The following EMC2 variants were observed in gnomAD, a reference collection of about 807,000 sequenced individuals.
EMC2 encodes TPR repeat protein 35.
A neutral mutation model predicts 51.6 loss-of-function variants in EMC2; 37 were observed. That is an observed-to-expected ratio of 0.72 (90% CI 0.55 to 0.94). The LOEUF (loss-of-function observed/expected upper bound fraction) is 0.94, where lower values mean the gene tolerates loss of function less well. Ranked by LOEUF, EMC2 falls within the 40% of genes least tolerant of loss-of-function variation. The pLI is 0.00. For missense variants in EMC2, 359 were observed against 350.9 expected (o/e 1.02, Z -0.18); for synonymous variants, 131 against 112.4 (o/e 1.17, Z -1.04).
chr8:108,453,679 G>A (rs1819085760), intron 4 of EMC2, among the ~76,000 whole-genome samples: 1 of 151,944 alleles, frequency 6.6e-6, no homozygotes, highest in Admixed American at 6.6e-5. Flanking sequence ...TTGTAAGAGT[G>A]CTTTCAGACT....
chr8:108,456,338 A>G (rs895129947), intron 5 of EMC2, among the ~76,000 whole-genome samples: 1 of 145,942 alleles, frequency 6.9e-6, no homozygotes, highest in Admixed American at 6.8e-5. Context: ...GTGTCAAAAA[A>G]AAAAAAAAAG....
At chr8:108,455,041 C>T (rs986176040) in intron 4 of EMC2, among the ~76,000 whole-genome samples, 4 of 151,742 alleles carry the variant, frequency 2.6e-5, no homozygotes, top group South Asian at 2.1e-4. Context: ...ATTTTATATG[C>T]GTTGGTGTAG....
At position 108,488,763 on chromosome 8, in the gene EMC2, C is replaced by T. The variant is rs879573912; in HGVS notation, c.*2165C>T. ...TTAATTCTGTATAGTCTGATTAGTA[C>T]GAGGCAGAACTTTTTGCAGTGAAGG... On this transcript the variant is annotated 3_prime_UTR_variant, in exon 11 of 11. Coordinates refer to ENST00000220853, the MANE Select transcript of EMC2 (RefSeq NM_014673.5). 5.3e-5 allele frequency among the ~76,000 whole-genome samples: 8 copies of T among 152,106 alleles called. No homozygotes were observed. The South Asian group carries it at 8.3e-4, about 16-fold the overall frequency.
intron 5 of EMC2, among the ~76,000 whole-genome samples, chr8:108,462,177 C>CGT (rs150710204): frequency 1.2e-4 from 18 of 150,276 alleles, no homozygotes; most frequent in South Asian, 6.4e-4. Flanking sequence ...TAGGCCTGCG[C>CGT]GTGTGTGTGT....
At chr8:108,466,313 TAGTC>T (rs945168207) in intron 5 of EMC2, among the ~76,000 whole-genome samples, 8 of 152,172 alleles carry the variant, frequency 5.3e-5, no homozygotes, top group Non-Finnish European at 1.0e-4. Context: ...TATTTAAATT[TAGTC>T]AGTTAACGAG....
chr8:108,452,787 T>C (rs1296241554), intron 3 of EMC2, among the ~76,000 whole-genome samples: 4 of 152,130 alleles, frequency 2.6e-5, no homozygotes, highest in Admixed American at 6.5e-5. Flanking sequence ...AGGAATAATA[T>C]GATATTAGTA....
intron 9 of EMC2, among the ~76,000 whole-genome samples, chr8:108,477,548 GTCT>G (rs1233026858): frequency 6.6e-6 from 1 of 151,968 alleles, no homozygotes; most frequent in Non-Finnish European, 1.5e-5. Flanking sequence ...CTTGATGAGT[GTCT>G]TCTTGTTGCA....
chr8:108,484,230 A>G (rs570385543), intron 10 of EMC2, among the ~76,000 whole-genome samples: 76 of 152,238 alleles, frequency 5.0e-4, no homozygotes, highest in Admixed American at 3.1e-3. Flanking sequence ...TGATTCTGTT[A>G]CTATCCTTTT....
At chr8:108,444,599 CAT>C (rs767486008) in intron 1 of EMC2, among the ~76,000 whole-genome samples, 20 of 152,264 alleles carry the variant, frequency 1.3e-4, no homozygotes, top group Admixed American at 5.2e-4. Context: ...GACCTGAAAA[CAT>C]GTGGACCGAA....
chr8:108,443,833 A>G, intron 1 of EMC2, 135 bp downstream of exon 1: 1 of 726,454 alleles, frequency 1.4e-6, no homozygotes, highest in Admixed American at 2.4e-5. Flanking sequence ...GGCCAAGCTG[A>G]GGTGGAGGCT....
rs1049348326 is a variant in EMC2 at position 108,485,532 on chromosome 8, AAT to A, written c.808-971_808-970del. ...ATAATTAATATATATACATATATAT[AAT>A]ATATATATGTATATATATATACACA... On this transcript the variant is annotated intron_variant, in intron 10 of 10. Transcript: ENST00000220853. 5.1e-4 allele frequency among the ~76,000 whole-genome samples: 52 copies of A among 101,826 alleles called. No individual in the cohort carries two copies. In the East Asian group the frequency reaches 0.01, roughly 20 times the overall value. 66.8% of individuals were successfully genotyped at this position (101,826 alleles called of 152,430 possible). A position where few individuals can be genotyped will look rare whatever the true frequency, so the allele number is the denominator to read the frequency against.
In EMC2 at chr8:108,479,090, CAAAT is replaced by C; in HGVS notation, c.791_794del (p.Ile264ThrfsTer40). 2 of 1,573,976 alleles carry C rather than the reference CAAAT, an allele frequency of 1.3e-6. No individual in the cohort carries two copies. Among genetic ancestry groups the C allele is most frequent in the Non-Finnish European group, 1.7e-6 (2 of 1,158,356 alleles). On this transcript the variant is annotated frameshift_variant, in exon 10 of 11. Transcript: ENST00000220853. LOFTEE classifies it high-confidence loss of function. Reference sequence around the variant, plus strand: ...GAAATATGCTAGTTGGGCAGCTAGTCAAATAAACAGAGCTTATCAGGTTAGTATT... The same window carrying C: ...GAAATATGCTAGTTGGGCAGCTAGTCAAACAGAGCTTATCAGGTTAGTATT...
chr8:108,445,587 C>T (rs924679014), intron 1 of EMC2, among the ~76,000 whole-genome samples: 36 of 151,862 alleles, frequency 2.4e-4, no homozygotes, highest in African/African-American at 8.2e-4. Flanking sequence ...TTCCTCATCC[C>T]CCACCAAAAT....
chr8:108,480,157 C>G (rs1308532301), intron 10 of EMC2, among the ~76,000 whole-genome samples: 1 of 151,954 alleles, frequency 6.6e-6, no homozygotes, highest in Non-Finnish European at 1.5e-5. Flanking sequence ...ATTTTTTTCT[C>G]TGCTTAGTTT....
chr8:108,462,081 A>G (rs928076344), intron 5 of EMC2, among the ~76,000 whole-genome samples: 3 of 152,186 alleles, frequency 2.0e-5, no homozygotes, highest in African/African-American at 7.2e-5. Flanking sequence ...TGCTGGGATT[A>G]TAGGCATGAG....
intron 10 of EMC2, among the ~76,000 whole-genome samples, chr8:108,482,984 C>T (rs541441623): frequency 5.4e-4 from 82 of 152,026 alleles, no homozygotes; most frequent in African/African-American, 1.9e-3. Context: ...ATCATGAGTC[C>T]CGTCCATGGA....
chr8:108,467,148 G>A (rs939234529), intron 5 of EMC2, among the ~76,000 whole-genome samples: 7 of 152,116 alleles, frequency 4.6e-5, no homozygotes, highest in Admixed American at 1.3e-4. Context: ...GATAGCTACC[G>A]ATCTGCAGTA....
intron 5 of EMC2, chr8:108,464,047 G>A (rs921452888): frequency 3.9e-5 from 6 of 152,158 alleles, no homozygotes; most frequent in African/African-American, 1.4e-4. Flanking sequence ...GTAGCCTCCT[G>A]TAGCAGGGGC....
chr8:108,462,222 T>TGTGTGTGTGTGTGTGC (rs71303986), intron 5 of EMC2, among the ~76,000 whole-genome samples: 30 of 151,554 alleles, frequency 2.0e-4, no homozygotes, highest in East Asian at 1.5e-3. Context: ...TTTGTGTGCG[T>TGTGTGTGTGTGTGTGC]GTGTGTGTAT....
Sources: allele counts gnomAD v4.1 joint callset (sites outside exome capture counted in the v4.1 genomes callset), GRCh38; gene constraint gnomAD v4.1.1; transcripts MANE v1.5; gene names NCBI Gene and HGNC (gene_info 2026-07-23, HGNC 2026-07-21).